The following RORB variants were observed in gnomAD, a reference collection of about 807,000 sequenced individuals.
RORB encodes RAR related orphan receptor B.
RORB carries 6 observed loss-of-function variants against 59.1 expected under a neutral mutation model. The ratio of observed to expected loss-of-function variants is 0.10; its 90% CI spans 0.06 to 0.20. The LOEUF (loss-of-function observed/expected upper bound fraction) is 0.20, where lower values mean the gene tolerates loss of function less well. Ranked by LOEUF, RORB falls within the 10% of genes least tolerant of loss-of-function variation. The pLI is 1.00. For missense variants in RORB, 320 were observed against 560.5 expected (o/e 0.57, Z 4.33); for synonymous variants, 215 against 204.5 (o/e 1.05, Z -0.44).
chr9:74,668,537 A>C (rs1181765906), intron 8 of RORB, among the ~76,000 whole-genome samples: 1 of 152,220 alleles, frequency 6.6e-6, no homozygotes, highest in Non-Finnish European at 1.5e-5. Flanking sequence ...GTTGACCGGA[A>C]GCCTCGCTGA....
At chr9:74,596,254 G>C (rs1822969888) in intron 1 of RORB, among the ~76,000 whole-genome samples, 1 of 151,960 alleles carries the variant, frequency 6.6e-6, no homozygotes, top group South Asian at 2.1e-4. Context: ...AAGAGTCCAG[G>C]GCAAAGGTAG....
chr9:74,615,565 T>C (rs550625183), intron 1 of RORB: 71 of 452,168 alleles, frequency 1.6e-4, no homozygotes, highest in South Asian at 1.0e-3. Flanking sequence ...AAAAGTATCA[T>C]ATTTTTCAGT....
intron 1 of RORB, among the ~76,000 whole-genome samples, chr9:74,625,264 G>T (rs191260568): frequency 6.6e-6 from 1 of 152,108 alleles, no homozygotes; most frequent in Non-Finnish European, 1.5e-5. Context: ...TCACTTGGGG[G>T]CCTTTTCCAA....
intron 1 of RORB, among the ~76,000 whole-genome samples, chr9:74,507,333 A>C (rs147816513): frequency 5.5e-4 from 83 of 152,210 alleles, no homozygotes; most frequent in African/African-American, 1.9e-3. Flanking sequence ...ATTTAAAGAC[A>C]ATCTTATTAA....
chr9:74,666,538 C>T (rs1824268161), intron 7 of RORB, among the ~76,000 whole-genome samples: 1 of 151,104 alleles, frequency 6.6e-6, no homozygotes, highest in African/African-American at 2.4e-5. Flanking sequence ...AATTATAGAT[C>T]ATTCTTTGTG....
At chr9:74,657,743 G>A (rs896298445) in intron 4 of RORB, among the ~76,000 whole-genome samples, 1 of 152,096 alleles carries the variant, frequency 6.6e-6, no homozygotes. Flanking sequence ...GGTGGCTCAC[G>A]CCTGTAATCC....
chr9:74,528,821 C>T (rs1359814827), intron 1 of RORB, among the ~76,000 whole-genome samples: 2 of 151,992 alleles, frequency 1.3e-5, no homozygotes, highest in Admixed American at 1.3e-4. Context: ...CTATCCCAGG[C>T]ACTGGATAGG....
chr9:74,666,299 T>C (rs1013607375), intron 7 of RORB, among the ~76,000 whole-genome samples: 1 of 150,748 alleles, frequency 6.6e-6, no homozygotes, highest in African/African-American at 2.4e-5. Context: ...ATAAATAAAA[T>C]AAATAAATAA....
chr9:74,671,259 C>T (rs568822286), intron 8 of RORB, among the ~76,000 whole-genome samples: 1 of 152,074 alleles, frequency 6.6e-6, no homozygotes, highest in East Asian at 1.9e-4. Flanking sequence ...TCCTATTCAC[C>T]ATTTAAGAAT....
chr9:74,658,129 C>T lies in RORB; in HGVS notation c.638-2488C>T, dbSNP rs189377358. Among the ~76,000 whole-genome samples the T allele has an allele frequency of 2.5e-3, 382 of 151,750 alleles. 1 individual carries two copies. The highest frequency in any genetic ancestry group is 8.7e-3 in the African/African-American group (361 of 41,302). On this transcript the variant is annotated intron_variant, in intron 4 of 9. Transcript: ENST00000376896. ...TATTTGGTGAATGAATATATGAAGG[C>T]ATTATGCTGGGCTCTGCTGTCCAGT...
At chr9:74,599,537 C>T (rs937597459) in intron 1 of RORB, among the ~76,000 whole-genome samples, 3 of 152,212 alleles carry the variant, frequency 2.0e-5, no homozygotes, top group Admixed American at 1.3e-4. Context: ...AATAGTAATA[C>T]TAACAATAAC....
At chr9:74,595,463 CTT>C (rs1417559806) in intron 1 of RORB, among the ~76,000 whole-genome samples, 1 of 152,226 alleles carries the variant, frequency 6.6e-6, no homozygotes, top group Non-Finnish European at 1.5e-5. Flanking sequence ...ACTGTGCTAA[CTT>C]AATTTGCTTT....
At chr9:74,574,429 A>G (rs144846370) in intron 1 of RORB, among the ~76,000 whole-genome samples, 57 of 152,240 alleles carry the variant, frequency 3.7e-4, no homozygotes, top group African/African-American at 1.3e-3. Flanking sequence ...CCTCACAGAT[A>G]TTTTCCCTTA....
At chr9:74,561,872 C>T (rs1822400587) in intron 1 of RORB, among the ~76,000 whole-genome samples, 1 of 152,180 alleles carries the variant, frequency 6.6e-6, no homozygotes, top group South Asian at 2.1e-4. Context: ...ATGAGAATCT[C>T]TCAGTCTTTC....
chr9:74,647,638 G>A (rs1823921908), intron 4 of RORB, among the ~76,000 whole-genome samples: 1 of 152,108 alleles, frequency 6.6e-6, no homozygotes, highest in Non-Finnish European at 1.5e-5. Context: ...AACCTGGAAT[G>A]TTAAGCATCA....
At chr9:74,618,604 A>G (rs1216597470) in intron 1 of RORB, among the ~76,000 whole-genome samples, 2 of 152,132 alleles carry the variant, frequency 1.3e-5, no homozygotes, top group Non-Finnish European at 2.9e-5. Flanking sequence ...AGAAAAAGAC[A>G]TGTTTTACTT....
intron 5 of RORB, among the ~76,000 whole-genome samples, chr9:74,661,994 G>A (rs772191038): frequency 1.3e-5 from 2 of 152,076 alleles, no homozygotes; most frequent in Non-Finnish European, 1.5e-5. Flanking sequence ...CTGGGAAAAA[G>A]ACACAACATA....
At chr9:74,551,919 G>A (rs537556387) in intron 1 of RORB, among the ~76,000 whole-genome samples, 3 of 152,248 alleles carry the variant, frequency 2.0e-5, no homozygotes, top group African/African-American at 7.2e-5. Flanking sequence ...AGAGGATATA[G>A]ACTAGATGGA....
chr9:74,514,002 C>G (rs910198738), intron 1 of RORB, among the ~76,000 whole-genome samples: 4 of 152,030 alleles, frequency 2.6e-5, no homozygotes, highest in Non-Finnish European at 5.9e-5. Context: ...AACATGGTAT[C>G]CTTATTGCTT....
Sources: gnomAD v4.1 joint callset for allele counts (sites outside exome capture counted in the v4.1 genomes callset) on GRCh38, gnomAD v4.1.1 for gene constraint, MANE v1.5 for transcripts, NCBI Gene and HGNC (gene_info 2026-07-23, HGNC 2026-07-21) for gene names.